Variants in JAZF1 observed in about 807,000 individuals in gnomAD.
The protein encoded by JAZF1 is JAZF zinc finger 1.
In JAZF1, 8 loss-of-function variants were observed where a neutral mutation model predicts 26.4. The observed-to-expected ratio is 0.30, with a 90% CI of 0.18 to 0.55. The LOEUF is 0.55. Ranked by LOEUF, JAZF1 falls within the 20% of genes least tolerant of loss-of-function variation. JAZF1 has a pLI of 0.94. For missense variants in JAZF1, 199 were observed against 322.0 expected (o/e 0.62, Z 2.92); for synonymous variants, 126 against 122.3 (o/e 1.03, Z -0.20).
intron 2 of JAZF1, among the ~76,000 whole-genome samples, chr7:27,971,177 G>A (rs965859217): frequency 6.6e-6 from 1 of 152,216 alleles, no homozygotes; most frequent in Non-Finnish European, 1.5e-5. Context: ...AGACTTGACT[G>A]TCTTCATTTG....
At chr7:28,000,359 G>A (rs1164080448) in intron 1 of JAZF1, among the ~76,000 whole-genome samples, 1 of 152,164 alleles carries the variant, frequency 6.6e-6, no homozygotes, top group Non-Finnish European at 1.5e-5. Flanking sequence ...CGCACGCAGA[G>A]TAGCGCCTAC....
At chr7:28,105,151 A>G (rs10228043) in intron 1 of JAZF1, among the ~76,000 whole-genome samples, 6,105 of 152,222 alleles carry the variant, frequency 0.04, 379 homozygotes, top group African/African-American at 0.13. Flanking sequence ...AATGATACAG[A>G]GTTAAAAAAA....
At chr7:27,940,475 C>T (rs979698636) in intron 2 of JAZF1, among the ~76,000 whole-genome samples, 6 of 152,178 alleles carry the variant, frequency 3.9e-5, no homozygotes, top group African/African-American at 1.4e-4. Context: ...GCCCAGATGC[C>T]GTCTCAGCAG....
At chr7:27,843,125 C>T (rs1318005287) in intron 3 of JAZF1, 1 of 152,186 alleles carries the variant, frequency 6.6e-6, no homozygotes. Context: ...TAGTGTAGGC[C>T]GACAGGTGGT....
At chr7:28,001,416 C>T (rs902756654) in intron 1 of JAZF1, among the ~76,000 whole-genome samples, 1 of 152,126 alleles carries the variant, frequency 6.6e-6, no homozygotes, top group Non-Finnish European at 1.5e-5. Flanking sequence ...TAATCTAAGA[C>T]AGACTACAAT....
At chr7:27,970,300 A>G (rs1349633440) in intron 2 of JAZF1, among the ~76,000 whole-genome samples, 1 of 152,146 alleles carries the variant, frequency 6.6e-6, no homozygotes, top group Non-Finnish European at 1.5e-5. Context: ...GAATCACATA[A>G]ATTTCGGTAA....
At chr7:27,987,510 A>T (rs928185992) in intron 2 of JAZF1, among the ~76,000 whole-genome samples, 3 of 151,496 alleles carry the variant, frequency 2.0e-5, no homozygotes, top group Non-Finnish European at 2.9e-5. Context: ...CCAGCCACCC[A>T]GTACGGGAGG....
At position 27,832,716 on chromosome 7, in the gene JAZF1, G is replaced by T; in HGVS notation, c.*84C>A. The T allele has an allele frequency of 1.7e-6, 2 of 1,153,122 alleles. No homozygotes were observed. The highest frequency in any genetic ancestry group is 2.4e-6 in the Non-Finnish European group (2 of 835,344). The allele number at this position is 1,153,122 out of a possible 1,614,324, so 71.4% of individuals were successfully genotyped here. On this transcript the variant is annotated 3_prime_UTR_variant, in exon 5 of 5. Coordinates refer to ENST00000283928, the MANE Select transcript of JAZF1 (RefSeq NM_175061.4). ...AATTCTTTTTCTTTAAAGGGTTGCT[G>T]AATGCTTCCCCTGAAAAAAGGTGGC...
intron 3 of JAZF1, among the ~76,000 whole-genome samples, chr7:27,885,668 C>T (rs1783848171): frequency 6.6e-6 from 1 of 152,102 alleles, no homozygotes; most frequent in Non-Finnish European, 1.5e-5. Context: ...TGCCGAAGTC[C>T]AACTTCCATT....
At chr7:27,962,112 T>C (rs1455209847) in intron 2 of JAZF1, among the ~76,000 whole-genome samples, 2 of 152,248 alleles carry the variant, frequency 1.3e-5, no homozygotes, top group African/African-American at 4.8e-5. Flanking sequence ...TGATGTGAAT[T>C]CTTGAGAGTC....
intron 1 of JAZF1, among the ~76,000 whole-genome samples, chr7:28,173,817 A>G (rs1003224489): frequency 6.7e-6 from 1 of 149,902 alleles, no homozygotes; most frequent in Non-Finnish European, 1.5e-5. Context: ...GTTGACAGCA[A>G]TTGGAAAGAC....
chr7:27,999,469 C>T (rs1025806194), intron 1 of JAZF1, among the ~76,000 whole-genome samples: 10 of 152,082 alleles, frequency 6.6e-5, no homozygotes, highest in East Asian at 1.9e-4. Context: ...ATGAGGCTCT[C>T]GAATTCATCT....
intron 2 of JAZF1, among the ~76,000 whole-genome samples, chr7:27,940,009 C>T (rs1784818763): frequency 6.6e-6 from 1 of 152,132 alleles, no homozygotes; most frequent in Non-Finnish European, 1.5e-5. Context: ...AGGCAGGCAG[C>T]AGGGCCAGAC....
In JAZF1 at chr7:28,091,255, C is replaced by T. The variant is rs149553469; in HGVS notation, c.115+89208G>A. Among the ~76,000 whole-genome samples the T allele has an allele frequency of 4.6e-5, 7 of 151,950 alleles. No homozygotes were observed. The East Asian group carries it at 1.2e-3, about 25-fold the overall frequency. On this transcript the variant is annotated intron_variant, in intron 1 of 4. Transcript: ENST00000283928. ...ATGCACTTTCTTCTGTCAACCTGAA[C>T]TTCAATTTTTTATTATGTCTCAACT... is the stretch of plus-strand genomic sequence containing the variant.
chr7:27,955,246 G>A (rs530456100), intron 2 of JAZF1, among the ~76,000 whole-genome samples: 2 of 152,328 alleles, frequency 1.3e-5, no homozygotes, highest in Non-Finnish European at 2.9e-5. Context: ...ATCCTTTGTA[G>A]CTCATATGAA....
intron 1 of JAZF1, among the ~76,000 whole-genome samples, chr7:28,019,675 G>A (rs1782970181): frequency 6.6e-6 from 1 of 151,994 alleles, no homozygotes; most frequent in African/African-American, 2.4e-5. Flanking sequence ...ATATTTAATA[G>A]GTCTCTGTAT....
intron 1 of JAZF1, among the ~76,000 whole-genome samples, chr7:28,161,045 T>C (rs1405401873): frequency 1.3e-5 from 2 of 152,020 alleles, no homozygotes; most frequent in African/African-American, 2.4e-5. Flanking sequence ...TAAGTGACAA[T>C]GAACAGATTA....
chr7:27,895,402 G>C lies in JAZF1; in HGVS notation c.203C>G (p.Ala68Gly). 2 of 1,601,458 alleles carry C rather than the reference G, an allele frequency of 1.2e-6. No homozygotes were observed. The highest frequency in any genetic ancestry group is 2.3e-5 in the East Asian group (1 of 44,242). The change falls in exon 3 of 5, where the codon GCT becomes GGT. Residue 68 changes from alanine (A) to glycine (G), a missense_variant. Coordinates refer to ENST00000283928, the MANE Select transcript of JAZF1 (RefSeq NM_175061.4). ...TAGGGACTCCTGCTCTCGGCGGGCA[G>C]CATCTGTCATGAATCTGAAACAATA... is the stretch of plus-strand genomic sequence containing the variant. ...LSYINRFMTD[A>G]ARREQESLKK...
At chr7:28,029,943 T>C (rs117667816) in intron 1 of JAZF1, among the ~76,000 whole-genome samples, 1,525 of 152,322 alleles carry the variant, frequency 0.01, 13 homozygotes, top group Non-Finnish European at 0.016. Context: ...TGGCCTCAGG[T>C]ATACCTGGGT....
Sources: gnomAD v4.1 joint callset for allele counts (sites outside exome capture counted in the v4.1 genomes callset) on GRCh38, gnomAD v4.1.1 for gene constraint, MANE v1.5 for transcripts, NCBI Gene and HGNC (gene_info 2026-07-23, HGNC 2026-07-21) for gene names.